Variants in SLIT2 observed in about 807,000 individuals in gnomAD.
SLIT2 encodes slit homolog 2 protein.
SLIT2 carries 41 observed loss-of-function variants against 185.7 expected under a neutral mutation model. The observed-to-expected ratio is 0.22, with a 90% CI of 0.17 to 0.29. The LOEUF is 0.29. SLIT2 is among the 10% of genes least tolerant of loss of function. The pLI is 1.00. For missense variants in SLIT2, 1,571 were observed against 1,909.0 expected, an observed-to-expected ratio of 0.82 and a Z score of 3.30; for synonymous variants, 693 against 680.2, an observed-to-expected ratio of 1.02 and a Z score of -0.29.
Position 20,619,140 on chromosome 4 carries a change from G to T in SLIT2, c.*131G>T. ...CAGAACAGACTTATTTTTATTATGAGAATAAAGACTTTTTTTCTGCATTTG... is the reference window on the plus strand; with the variant it reads ...CAGAACAGACTTATTTTTATTATGATAATAAAGACTTTTTTTCTGCATTTG... On this transcript the variant is annotated 3_prime_UTR_variant, in exon 37 of 37. Transcript: ENST00000504154. 1.1e-6 allele frequency: 1 copy of T among 873,092 alleles called. No individual in the cohort carries two copies. The allele number at this position is 873,092 out of a possible 1,614,324, so 54.1% of individuals were successfully genotyped here.
intron 3 of SLIT2, among the ~76,000 whole-genome samples, chr4:20,266,600 T>G (rs2109024537): frequency 6.6e-6 from 1 of 152,032 alleles, no homozygotes; most frequent in South Asian, 2.1e-4. Context: ...GGCCAGAGAT[T>G]AGGGAATGTT....
chr4:20,492,579 A>G (rs1213858319), intron 9 of SLIT2, among the ~76,000 whole-genome samples: 1 of 152,206 alleles, frequency 6.6e-6, no homozygotes, highest in Non-Finnish European at 1.5e-5. Context: ...TGCTTTTACC[A>G]TCTTGAAAAG....
chr4:20,348,544 C>A (rs576603203), intron 4 of SLIT2, among the ~76,000 whole-genome samples: 2 of 152,058 alleles, frequency 1.3e-5, no homozygotes, highest in African/African-American at 4.8e-5. Context: ...CCACTGCACC[C>A]GGCCTGACTC....
Position 20,347,377 on chromosome 4 carries a change from CT to C in SLIT2, c.395+78504del, listed in dbSNP as rs948757830. ...AGTACATAATTAAGAAGACTGAATT[CT>C]TTTTTTTATTTGTATAAATTTAGGG... is the stretch of plus-strand genomic sequence containing the variant. On this transcript the variant is annotated intron_variant, in intron 4 of 36. Coordinates refer to ENST00000504154, the MANE Select transcript of SLIT2 (RefSeq NM_004787.4). Among the ~76,000 whole-genome samples the C allele has an allele frequency of 7.2e-5, 11 of 152,116 alleles. No individual in the cohort carries two copies. In the East Asian group the frequency reaches 1.7e-3, roughly 24 times the overall value.
At chr4:20,582,810 C>T (rs1172338952) in intron 29 of SLIT2, among the ~76,000 whole-genome samples, 2 of 152,154 alleles carry the variant, frequency 1.3e-5, no homozygotes, top group African/African-American at 4.8e-5. Flanking sequence ...ACTACTCTTG[C>T]ACTTTGGGGC....
rs777947849 is a variant in SLIT2, at chr4:20,511,084, G to C, written c.1005G>C (p.Gln335His). 9 of 1,604,544 alleles carry C rather than the reference G, an allele frequency of 5.6e-6. No homozygotes were observed. Among genetic ancestry groups the C allele is most frequent in the Admixed American group, 5.0e-5 (3 of 59,970 alleles). The change falls in exon 11 of 37, where the codon CAG (glutamine) becomes CAC (histidine). Residue 335 changes from glutamine to histidine, a missense_variant. This residue lies in a region of SLIT2 where 1,202 missense variants were observed against 1,416.4 expected (regional missense o/e 0.85). Transcript: ENST00000504154. ...KLRRIDLSNNQISELAPDAFQ... is the reference protein window; with the variant it reads ...KLRRIDLSNNHISELAPDAFQ... ...ATCTTAGTGACCTGAGCAATAATCAGATCTCTGAACTTGCACCAGATGCTT... is the reference window on the plus strand; with the variant it reads ...ATCTTAGTGACCTGAGCAATAATCACATCTCTGAACTTGCACCAGATGCTT...
At chr4:20,536,360 C>T (rs1388259080) in intron 18 of SLIT2, among the ~76,000 whole-genome samples, 1 of 152,106 alleles carries the variant, frequency 6.6e-6, no homozygotes, top group Middle Eastern at 3.4e-3. Context: ...GTTCCAGGAC[C>T]AGCCTGGCCA....
At chr4:20,464,835 C>A (rs1489820391) in intron 4 of SLIT2, among the ~76,000 whole-genome samples, 1 of 151,826 alleles carries the variant, frequency 6.6e-6, no homozygotes, top group African/African-American at 2.4e-5. Context: ...TTTTGACTGT[C>A]AGTATTTTTT....
At chr4:20,566,807 G>A (rs149888238) in intron 26 of SLIT2, among the ~76,000 whole-genome samples, 32 of 152,116 alleles carry the variant, frequency 2.1e-4, no homozygotes, top group African/African-American at 7.2e-4. Context: ...ATTGTATTGT[G>A]TATTTAATTA....
intron 4 of SLIT2, among the ~76,000 whole-genome samples, chr4:20,364,518 C>T (rs1245786276): frequency 9.9e-5 from 15 of 152,106 alleles, no homozygotes; most frequent in Non-Finnish European, 7.4e-5. Flanking sequence ...CTAGTTCCTA[C>T]TTTTCATTAA....
chr4:20,320,695 C>A (rs941171301), intron 4 of SLIT2, among the ~76,000 whole-genome samples: 3 of 152,136 alleles, frequency 2.0e-5, no homozygotes, highest in Admixed American at 2.0e-4. Context: ...CTCTCCCCTC[C>A]TCCTTCACTA....
intron 18 of SLIT2, among the ~76,000 whole-genome samples, chr4:20,537,365 T>C (rs2148870857): frequency 1.4e-5 from 2 of 144,616 alleles, no homozygotes; most frequent in South Asian, 4.5e-4. Context: ...GGACAACTTT[T>C]GTATAGCTCT....
intron 4 of SLIT2, among the ~76,000 whole-genome samples, chr4:20,436,526 A>G (rs1052838826): frequency 6.6e-6 from 1 of 152,202 alleles, no homozygotes; most frequent in African/African-American, 2.4e-5. Flanking sequence ...TGCTTACTGG[A>G]AAATGTTGCA....
At chr4:20,311,508 A>G (rs760218787) in intron 4 of SLIT2, among the ~76,000 whole-genome samples, 12 of 152,214 alleles carry the variant, frequency 7.9e-5, no homozygotes, top group Middle Eastern at 6.3e-3. Flanking sequence ...TTTTTATTTA[A>G]TATAGATTGT....
intron 4 of SLIT2, among the ~76,000 whole-genome samples, chr4:20,337,187 G>GA (rs1265603090): frequency 5.9e-5 from 9 of 152,116 alleles, no homozygotes; most frequent in Admixed American, 3.9e-4. Context: ...ATTTATACAG[G>GA]AAAAAGGGTT....
At chr4:20,420,942 G>A (rs1349566427) in intron 4 of SLIT2, among the ~76,000 whole-genome samples, 2 of 152,058 alleles carry the variant, frequency 1.3e-5, no homozygotes, top group African/African-American at 2.4e-5. Flanking sequence ...CCCTAATCTT[G>A]GACTTCTTAG....
chr4:20,342,416 A>G (rs960928109), intron 4 of SLIT2, among the ~76,000 whole-genome samples: 1 of 152,156 alleles, frequency 6.6e-6, no homozygotes, highest in Non-Finnish European at 1.5e-5. Flanking sequence ...ATCAAAACCC[A>G]TCATATATGC....
rs112690981 is a variant in SLIT2, at chr4:20,406,360, G to A, written c.396-61392G>A. Among the ~76,000 whole-genome samples the A allele has an allele frequency of 3.3e-3, 473 of 143,788 alleles. 20 individuals are homozygous for A. Among genetic ancestry groups the A allele is most frequent in the African/African-American group, 0.011 (458 of 41,166 alleles). The allele number at this position is 143,788 out of a possible 152,430, so 94.3% of individuals were successfully genotyped here. On this transcript the variant is annotated intron_variant, in intron 4 of 36. Coordinates refer to ENST00000504154, the MANE Select transcript of SLIT2 (RefSeq NM_004787.4). ...TATCAACGATACTATTTCCTGAATAGGAGTGGGAGAAGGGATTTGTAATAT... is the reference window on the plus strand; with the variant it reads ...TATCAACGATACTATTTCCTGAATAAGAGTGGGAGAAGGGATTTGTAATAT...
At chr4:20,320,733 A>G (rs560542186) in intron 4 of SLIT2, among the ~76,000 whole-genome samples, 22 of 152,260 alleles carry the variant, frequency 1.4e-4, no homozygotes, top group Non-Finnish European at 2.9e-4. Context: ...AGTGTTAACT[A>G]TTACATTTTT....
Sources: gnomAD v4.1 joint callset for allele counts (sites outside exome capture counted in the v4.1 genomes callset) on GRCh38, gnomAD v4.1.1 for gene constraint, gnomAD v4.1.1 regional missense constraint, MANE v1.5 for transcripts, NCBI Gene and HGNC (gene_info 2026-07-23, HGNC 2026-07-21) for gene names.